Variants in CTNNA3 observed in about 807,000 individuals in gnomAD.
The protein encoded by CTNNA3 is catenin alpha 3, also known as catenin alpha-3.
A neutral mutation model predicts 95.7 loss-of-function variants in CTNNA3; 76 were observed. That is an observed-to-expected ratio of 0.79 (90% CI 0.66 to 0.96). The LOEUF is 0.96. Among genes scored for constraint, CTNNA3 ranks in the 40% least tolerant of loss-of-function variants. The pLI is 0.00. For missense variants in CTNNA3, 1,191 were observed against 1,089.8 expected (o/e 1.09, Z -1.31); for synonymous variants, 431 against 374.4 (o/e 1.15, Z -1.74).
chr10:66,613,930 T>G (rs983385776), intron 10 of CTNNA3, among the ~76,000 whole-genome samples: 6 of 152,048 alleles, frequency 3.9e-5, no homozygotes, highest in Non-Finnish European at 4.4e-5. Flanking sequence ...GAGAATATGT[T>G]TGCTTCCCAA....
intron 9 of CTNNA3, among the ~76,000 whole-genome samples, chr10:66,763,130 C>T (rs1839669216): frequency 6.6e-6 from 1 of 152,020 alleles, no homozygotes; most frequent in Admixed American, 6.6e-5. Flanking sequence ...TCATATTGTC[C>T]TCTAAAACTG....
chr10:67,481,572 A>C (rs1034348013), intron 5 of CTNNA3, among the ~76,000 whole-genome samples: 2 of 152,228 alleles, frequency 1.3e-5, no homozygotes, highest in African/African-American at 2.4e-5. Flanking sequence ...ATAGGTATAC[A>C]TCTAACCAAG....
chr10:66,119,471 T>G (rs2082480154), intron 13 of CTNNA3, among the ~76,000 whole-genome samples: 1 of 152,354 alleles, frequency 6.6e-6, no homozygotes. Flanking sequence ...AGCAGAGTAC[T>G]CTTCAAGATT....
At chr10:66,287,461 A>C (rs2091607969) in intron 12 of CTNNA3, among the ~76,000 whole-genome samples, 1 of 152,072 alleles carries the variant, frequency 6.6e-6, no homozygotes, top group South Asian at 2.1e-4. Context: ...AGAATTCAAA[A>C]TTAGGCACTC....
chr10:67,586,091 TCAGGAGCATAATG>T (rs1256449157), intron 3 of CTNNA3, among the ~76,000 whole-genome samples: 3 of 152,200 alleles, frequency 2.0e-5, no homozygotes, highest in Non-Finnish European at 4.4e-5. Flanking sequence ...CAGTGGTCAT[TCAGGAGCATAATG>T]TTTAATTTCC....
chr10:66,980,059 C>A lies in CTNNA3; in HGVS notation c.1047+200258G>T, dbSNP rs1006014119. 2.0e-5 allele frequency among the ~76,000 whole-genome samples: 3 copies of A among 152,096 alleles called. No homozygotes were observed. In the East Asian group the frequency reaches 5.8e-4, roughly 29 times the overall value. ...CTTTTTTCCCTAAAATGTTTAGAGG[C>A]CTAGAATGTACCTAATAACTTGTAA... On this transcript the variant is annotated intron_variant, in intron 7 of 17. Coordinates refer to ENST00000433211, the MANE Select transcript of CTNNA3 (RefSeq NM_013266.4).
chr10:66,025,016 T>G (rs2079307307), intron 15 of CTNNA3, among the ~76,000 whole-genome samples: 1 of 152,244 alleles, frequency 6.6e-6, no homozygotes, highest in Non-Finnish European at 1.5e-5. Context: ...AATCTAGCAG[T>G]GACAGCTTTG....
rs574676656 is a variant in CTNNA3 at position 66,501,770 on chromosome 10, T to G, written c.1531+18847A>C. On this transcript the variant is annotated intron_variant, in intron 11 of 17. Transcript: ENST00000433211. ...ATTGCCTGAGGGAGATTCTGATTAT[T>G]TTGATGCCCTAAATCTCCTAATCCA... Among the ~76,000 whole-genome samples, 4 of 152,244 alleles carry G rather than the reference T, an allele frequency of 2.6e-5. No individual in the cohort carries two copies. In the East Asian group the frequency reaches 5.8e-4, roughly 22 times the overall value.
chr10:66,482,090 T>C (rs1476608073), intron 11 of CTNNA3, among the ~76,000 whole-genome samples: 3 of 152,186 alleles, frequency 2.0e-5, no homozygotes, highest in Non-Finnish European at 4.4e-5. Context: ...AAAGTAAGAT[T>C]TTTGTTAATA....
intron 7 of CTNNA3, among the ~76,000 whole-genome samples, chr10:67,036,372 A>C (rs1371518048): frequency 6.6e-6 from 1 of 151,510 alleles, no homozygotes; most frequent in Non-Finnish European, 1.5e-5. Context: ...AGTTTCAAGC[A>C]ATTCTCCTGC....
intron 10 of CTNNA3, among the ~76,000 whole-genome samples, chr10:66,556,067 T>C (rs1842379748): frequency 6.6e-6 from 1 of 151,764 alleles, no homozygotes; most frequent in Non-Finnish European, 1.5e-5. Flanking sequence ...CAAATAGACA[T>C]TTTCCCAAAA....
At chr10:67,033,983 G>C (rs1925628) in intron 7 of CTNNA3, among the ~76,000 whole-genome samples, 64,175 of 151,866 alleles carry the variant, frequency 0.42, 14,127 homozygotes, top group East Asian at 0.64. Flanking sequence ...TGTTGGCCAG[G>C]CTGGTCTCAA....
chr10:67,007,407 T>C (rs1340326873), intron 7 of CTNNA3, among the ~76,000 whole-genome samples: 2 of 152,132 alleles, frequency 1.3e-5, no homozygotes, highest in African/African-American at 2.4e-5. Flanking sequence ...TGACTTTTTT[T>C]TTTTAACATA....
intron 2 of CTNNA3, among the ~76,000 whole-genome samples, chr10:67,634,942 G>T (rs559700130): frequency 1.3e-5 from 2 of 152,178 alleles, no homozygotes; most frequent in East Asian, 3.9e-4. Context: ...CCTGAACTCA[G>T]CTCTGGATCA....
rs201188978 is a variant in CTNNA3, at chr10:66,130,426, G to GTTT, written c.1885-27180_1885-27178dup. ...CAAAACATCAACAAAATCAGGATCT[G>GTTT]TTTTTTTTTTTTGGAAAAATTAATA... On this transcript the variant is annotated intron_variant, in intron 13 of 17. Coordinates refer to ENST00000433211, the MANE Select transcript of CTNNA3 (RefSeq NM_013266.4). Among the ~76,000 whole-genome samples, 46 of 142,198 alleles carry GTTT rather than the reference G, an allele frequency of 3.2e-4. No individual in the cohort carries two copies. The South Asian group carries it at 9.7e-3, about 30-fold the overall frequency. 93.3% of individuals were successfully genotyped at this position (142,198 alleles called of 152,430 possible). A position where few individuals can be genotyped will look rare whatever the true frequency, so the allele number is the denominator to read the frequency against.
intron 13 of CTNNA3, among the ~76,000 whole-genome samples, chr10:66,207,192 A>G (rs2087818481): frequency 1.4e-5 from 1 of 71,230 alleles, no homozygotes; most frequent in African/African-American, 3.1e-5. Flanking sequence ...CTAATGATCT[A>G]TCTAATGATA....
intron 7 of CTNNA3, among the ~76,000 whole-genome samples, chr10:66,904,049 A>C (rs1845876387): frequency 6.6e-6 from 1 of 152,338 alleles, no homozygotes; most frequent in Non-Finnish European, 1.5e-5. Flanking sequence ...ATATAGAACC[A>C]AAAAGGAGCC....
chr10:66,153,817 C>T (rs2084333606), intron 13 of CTNNA3, among the ~76,000 whole-genome samples: 1 of 150,956 alleles, frequency 6.6e-6, no homozygotes, highest in Non-Finnish European at 1.5e-5. Flanking sequence ...GTATCATCTC[C>T]AAATCTGCCT....
intron 14 of CTNNA3, among the ~76,000 whole-genome samples, chr10:66,074,450 A>C (rs559543449): frequency 1.1e-4 from 16 of 151,844 alleles, no homozygotes; most frequent in Admixed American, 2.0e-4. Context: ...ATCCCATCTT[A>C]CTTCCTTCAA....
Sources: allele counts gnomAD v4.1 joint callset (sites outside exome capture counted in the v4.1 genomes callset), GRCh38; gene constraint gnomAD v4.1.1; transcripts MANE v1.5; gene names NCBI Gene and HGNC (gene_info 2026-07-23, HGNC 2026-07-21).